The following FRAS1 variants were observed in gnomAD, a reference collection of about 807,000 sequenced individuals.
The protein encoded by FRAS1 is Fraser extracellular matrix complex subunit 1.
FRAS1 carries 290 observed loss-of-function variants against 435.2 expected under a neutral mutation model. The ratio of observed to expected loss-of-function variants is 0.67; its 90% CI spans 0.61 to 0.73. The LOEUF is 0.73. FRAS1 is among the 30% of genes least tolerant of loss of function. The pLI is 0.00. For missense variants in FRAS1, 4,860 were observed against 5,001.5 expected, an observed-to-expected ratio of 0.97 and a Z score of 0.85; for synonymous variants, 1,800 against 1,851.0, an observed-to-expected ratio of 0.97 and a Z score of 0.71.
chr4:78,531,386 AGTG>A (rs1482696975), intron 70 of FRAS1, among the ~76,000 whole-genome samples: 5 of 152,044 alleles, frequency 3.3e-5, no homozygotes, highest in Non-Finnish European at 5.9e-5. Context: ...GTTGAATAGG[AGTG>A]GTGAGAGAGG....
intron 2 of FRAS1, among the ~76,000 whole-genome samples, chr4:78,072,314 T>A (rs1391440832): frequency 6.6e-6 from 1 of 152,162 alleles, no homozygotes; most frequent in Non-Finnish European, 1.5e-5. Flanking sequence ...TGCTATAGTG[T>A]TACTTTTTAA....
chr4:78,395,716 C>T (rs1338267949), intron 29 of FRAS1, among the ~76,000 whole-genome samples: 1 of 151,968 alleles, frequency 6.6e-6, no homozygotes, highest in African/African-American at 2.4e-5. Flanking sequence ...ATATATTTTT[C>T]CATCCTTTCA....
chr4:78,171,865 CG>C (rs1008737734), intron 2 of FRAS1, among the ~76,000 whole-genome samples: 3 of 152,074 alleles, frequency 2.0e-5, no homozygotes, highest in African/African-American at 7.2e-5. Flanking sequence ...CTCGTTGACC[CG>C]GCCCTTAAGA....
intron 18 of FRAS1, among the ~76,000 whole-genome samples, chr4:78,324,743 A>G (rs1280793833): frequency 8.9e-6 from 1 of 111,810 alleles, no homozygotes; most frequent in Non-Finnish European, 1.8e-5. Context: ...TGCATGTCAC[A>G]CTAGAGCTTT....
At chr4:78,404,102 T>C (rs1198450359) in intron 30 of FRAS1, among the ~76,000 whole-genome samples, 2 of 152,140 alleles carry the variant, frequency 1.3e-5, no homozygotes, top group African/African-American at 2.4e-5. Context: ...ATAAATAACT[T>C]GAGAATCATT....
rs146767923 is a variant in FRAS1, at chr4:78,412,855, C to T, written c.4309-114C>T. 624 of 493,988 alleles carry T rather than the reference C, an allele frequency of 1.3e-3. 7 individuals carry two copies. In the Middle Eastern group the frequency reaches 0.017, roughly 13 times the overall value. The allele number at this position is 493,988 out of a possible 1,614,324, so 30.6% of individuals were successfully genotyped here. A position where few individuals can be genotyped will look rare whatever the true frequency, so the allele number is the denominator to read the frequency against. On this transcript the variant is annotated intron_variant, in intron 31 of 73. Transcript: ENST00000512123. ...ATGAAGGGCAGAATGAGAGTTGTAA[C>T]GCAGGAGCATATAGAATTCAAAGAC...
Position 78,372,745 on chromosome 4 carries a change from G to A in FRAS1, c.2897G>A (p.Ser966Asn), listed in dbSNP as rs748243499. The change falls in exon 24 of 74, where the codon AGT becomes AAT. Residue 966 changes from serine to asparagine, a missense_variant. By Grantham distance (46) the Ser-to-Asn change is conservative. Coordinates refer to ENST00000512123, the MANE Select transcript of FRAS1 (RefSeq NM_025074.7). ...TGTGATTGGAGCTGCAGTGCATGCA[G>A]TGGGCCCCTGAAAACAGACTGCCTG... ...KECDWSCSAC[S>N]GPLKTDCLQC... 2 of 1,612,856 alleles carry A rather than the reference G, an allele frequency of 1.2e-6. No individual in the cohort carries two copies. The highest frequency in any genetic ancestry group is 2.2e-5 in the South Asian group (2 of 91,028).
chr4:78,217,481 G>A (rs1034648059), intron 2 of FRAS1, among the ~76,000 whole-genome samples: 7 of 152,118 alleles, frequency 4.6e-5, no homozygotes, highest in Admixed American at 1.3e-4. Context: ...CAGCTAAGAG[G>A]TGAGAGTGCC....
chr4:78,271,190 A>C (rs903052767), intron 9 of FRAS1, among the ~76,000 whole-genome samples: 2 of 152,204 alleles, frequency 1.3e-5, no homozygotes, highest in Admixed American at 6.5e-5. Context: ...TATATTATTC[A>C]TTTTCATTTA....
At chr4:78,131,164 G>A (rs559969993) in intron 2 of FRAS1, among the ~76,000 whole-genome samples, 2 of 152,194 alleles carry the variant, frequency 1.3e-5, no homozygotes, top group African/African-American at 2.4e-5. Flanking sequence ...ATTCTTCTCA[G>A]CATTAAAATT....
At chr4:78,245,607 T>G (rs1725204226) in intron 4 of FRAS1, among the ~76,000 whole-genome samples, 1 of 152,230 alleles carries the variant, frequency 6.6e-6, no homozygotes, top group African/African-American at 2.4e-5. Context: ...TTTTATGTAC[T>G]ACATACATTT....
chr4:78,335,897 G>A (rs1464759915), intron 19 of FRAS1, among the ~76,000 whole-genome samples: 1 of 129,986 alleles, frequency 7.7e-6, no homozygotes, highest in Non-Finnish European at 1.6e-5. Flanking sequence ...AGCACCGTGT[G>A]TGGTGGTTTT....
intron 33 of FRAS1, among the ~76,000 whole-genome samples, chr4:78,420,879 CATATATATATATATATATAT>C (rs72430754): frequency 0.028 from 2,695 of 95,556 alleles, 115 homozygotes; most frequent in South Asian, 0.095. Context: ...ACTAATAGGA[CATATATATATATATATATAT>C]ATATATATAT....
rs1368994373 is a variant in FRAS1 at position 78,374,170 on chromosome 4, C to T, written c.3070C>T (p.Pro1024Ser). Reference sequence around the variant, plus strand: ...CCATGAGTGTACCCGCTGCAAAGGGCCATTTCTCCTCTTGGAAGCCCAGTG... The same window carrying T: ...CCATGAGTGTACCCGCTGCAAAGGGTCATTTCTCCTCTTGGAAGCCCAGTG... Reference protein sequence around the residue: ...GPHECTRCKGPFLLLEAQCVQ... With the variant: ...GPHECTRCKGSFLLLEAQCVQ... The change falls in exon 25 of 74, where the codon CCA becomes TCA. Residue 1024 changes from proline to serine, a missense_variant. Pro to Ser is a moderately conservative substitution (Grantham distance 74, BLOSUM62 -1). Coordinates refer to ENST00000512123, the MANE Select transcript of FRAS1 (RefSeq NM_025074.7). 6.2e-7 allele frequency: 1 copy of T among 1,606,038 alleles called. No homozygotes were observed. The highest frequency in any genetic ancestry group is 8.5e-7 in the Non-Finnish European group (1 of 1,174,304).
At chr4:78,464,395 G>A in intron 48 of FRAS1, 48 bp from the exon 49 acceptor site, 2 of 1,610,596 alleles carry the variant, frequency 1.2e-6, no homozygotes, top group East Asian at 2.2e-5. Flanking sequence ...GACTTGTTGG[G>A]TAGGTGCTAG....
At chr4:78,418,007 A>G (rs1733619396) in intron 32 of FRAS1, among the ~76,000 whole-genome samples, 1 of 152,172 alleles carries the variant, frequency 6.6e-6, no homozygotes, top group African/African-American at 2.4e-5. Flanking sequence ...TGCTGTCCCC[A>G]ACCCACCACC....
chr4:78,195,828 A>G (rs2110069750), intron 2 of FRAS1, among the ~76,000 whole-genome samples: 1 of 152,000 alleles, frequency 6.6e-6, no homozygotes, highest in African/African-American at 2.4e-5. Context: ...CTGGTACCTT[A>G]GTTGGAAATG....
chr4:78,125,652 TG>T (rs1719303670), intron 2 of FRAS1, among the ~76,000 whole-genome samples: 1 of 152,192 alleles, frequency 6.6e-6, no homozygotes, highest in Non-Finnish European at 1.5e-5. Flanking sequence ...GCAGGTCTGT[TG>T]GAGTTTGCTG....
intron 2 of FRAS1, among the ~76,000 whole-genome samples, chr4:78,146,674 A>G (rs549780090): frequency 8.6e-5 from 13 of 151,706 alleles, no homozygotes; most frequent in Admixed American, 7.9e-4. Context: ...AATTCCACAT[A>G]TCTTATCATT....
Sources: gnomAD v4.1 joint callset for allele counts (sites outside exome capture counted in the v4.1 genomes callset) on GRCh38, gnomAD v4.1.1 for gene constraint, MANE v1.5 for transcripts, NCBI Gene and HGNC (gene_info 2026-07-23, HGNC 2026-07-21) for gene names.